SPATA16: variants seen among roughly 807,000 people sequenced by gnomAD.
SPATA16 encodes the protein spermatogenesis-associated protein 16.
In SPATA16, 36 loss-of-function variants were observed where a neutral mutation model predicts 63.3. That is an observed-to-expected ratio of 0.57 (90% CI 0.44 to 0.75). SPATA16 has a LOEUF of 0.75. Among genes scored for constraint, SPATA16 ranks in the 30% least tolerant of loss-of-function variants. The pLI is 0.00. For missense variants in SPATA16, 646 were observed against 679.3 expected (o/e 0.95, Z 0.54); for synonymous variants, 203 against 216.7 (o/e 0.94, Z 0.56).
At position 173,070,410 on chromosome 3, in the gene SPATA16, A is replaced by C. The variant is rs546693710; in HGVS notation, c.613-21316T>G. On this transcript the variant is annotated intron_variant, in intron 2 of 10. Coordinates refer to ENST00000351008, the MANE Select transcript of SPATA16 (RefSeq NM_031955.6). Reference sequence around the variant, plus strand: ...ACTCTGTCTCAAAAAAAAAAAAAAAAAAAGATGCCTACTTTCACCACTTTT... The same window carrying C: ...ACTCTGTCTCAAAAAAAAAAAAAAACAAAGATGCCTACTTTCACCACTTTT... Among the ~76,000 whole-genome samples the C allele has an allele frequency of 2.2e-3, 329 of 152,008 alleles. 5 individuals are homozygous for C. The highest frequency in any genetic ancestry group is 7.5e-3 in the African/African-American group (311 of 41,482).
chr3:173,102,697 G>A (rs1204741404), intron 2 of SPATA16, among the ~76,000 whole-genome samples: 3 of 152,154 alleles, frequency 2.0e-5, no homozygotes, highest in African/African-American at 7.2e-5. Context: ...GAGATTTGGA[G>A]GAGACAGCCA....
At position 172,981,405 on chromosome 3, in the gene SPATA16, G is replaced by A. The variant is rs143120171; in HGVS notation, c.849-4353C>T. Reference sequence around the variant, plus strand: ...GAAAAACTAACCTCTTTATAGTGGCGTTTAAGTCCTATATCATCTGGACAC... The same window carrying A: ...GAAAAACTAACCTCTTTATAGTGGCATTTAAGTCCTATATCATCTGGACAC... On this transcript the variant is annotated intron_variant, in intron 4 of 10. Transcript: ENST00000351008. Among the ~76,000 whole-genome samples the A allele has an allele frequency of 7.0e-4, 107 of 152,240 alleles. No individual in the cohort carries two copies. The Middle Eastern group carries it at 0.02, about 29-fold the overall frequency.
intron 3 of SPATA16, 31 bp from the exon 4 acceptor site, chr3:173,019,606 AT>A (rs1488099027): frequency 6.3e-7 from 1 of 1,599,822 alleles, no homozygotes; most frequent in African/African-American, 1.3e-5. Context: ...TGCAAATGTT[AT>A]TTGGGTTTTA....
intron 2 of SPATA16, among the ~76,000 whole-genome samples, chr3:173,092,136 A>G (rs544745481): frequency 6.6e-6 from 1 of 152,148 alleles, no homozygotes; most frequent in East Asian, 1.9e-4. Context: ...GCTGATGCTC[A>G]TACTGCTTGT....
chr3:173,042,975 A>G (rs1015016468), intron 3 of SPATA16, among the ~76,000 whole-genome samples: 1 of 152,142 alleles, frequency 6.6e-6, no homozygotes, highest in Non-Finnish European at 1.5e-5. Context: ...TTTGGTAATA[A>G]CACAGCAAAA....
chr3:172,924,421 C>G (rs1418473020), intron 7 of SPATA16, 104 bp from the exon 8 acceptor site: 1 of 883,468 alleles, frequency 1.1e-6, no homozygotes, highest in Non-Finnish European at 1.8e-6. Context: ...TTAATAGATA[C>G]AAAATCTTTA....
At chr3:173,035,476 G>A (rs964441630) in intron 3 of SPATA16, among the ~76,000 whole-genome samples, 1 of 152,062 alleles carries the variant, frequency 6.6e-6, no homozygotes, top group African/African-American at 2.4e-5. Flanking sequence ...ATTAACAACC[G>A]CCCTGTAAAT....
rs139706789 is a variant in SPATA16, at chr3:172,924,420, A to G, written c.1229-103T>C. 208 of 891,376 alleles carry G rather than the reference A, an allele frequency of 2.3e-4. 2 individuals are homozygous for G. In the East Asian group the frequency reaches 5.3e-3, roughly 23 times the overall value. 55.2% of individuals were successfully genotyped at this position (891,376 alleles called of 1,614,324 possible). A position where few individuals can be genotyped will look rare whatever the true frequency, so the allele number is the denominator to read the frequency against. ...AACGAATATCTCAATATTAATAGATACAAAATCTTTAGTATAGAAACTAGT... is the reference window on the plus strand; with the variant it reads ...AACGAATATCTCAATATTAATAGATGCAAAATCTTTAGTATAGAAACTAGT... On this transcript the variant is annotated intron_variant, in intron 7 of 10. Coordinates refer to ENST00000351008, the MANE Select transcript of SPATA16 (RefSeq NM_031955.6).
At chr3:173,097,413 G>C (rs1173954151) in intron 2 of SPATA16, among the ~76,000 whole-genome samples, 1 of 152,160 alleles carries the variant, frequency 6.6e-6, no homozygotes, top group Non-Finnish European at 1.5e-5. Context: ...AGGTTGCTGA[G>C]ATCTATGGTA....
At chr3:173,114,796 T>TG (rs1737851533) in intron 2 of SPATA16, among the ~76,000 whole-genome samples, 1 of 152,234 alleles carries the variant, frequency 6.6e-6, no homozygotes. Flanking sequence ...TTAAATGATA[T>TG]GTGAGAGCAC....
intron 8 of SPATA16, among the ~76,000 whole-genome samples, chr3:172,918,542 A>C (rs1276335297): frequency 6.6e-6 from 1 of 152,152 alleles, no homozygotes; most frequent in Non-Finnish European, 1.5e-5. Flanking sequence ...TATTTTACCT[A>C]TCCAAGATAG....
intron 6 of SPATA16, among the ~76,000 whole-genome samples, chr3:172,936,717 A>AT (rs1553782968): frequency 2.6e-5 from 4 of 151,318 alleles, no homozygotes; most frequent in Non-Finnish European, 2.9e-5. Context: ...TTATTTATTT[A>AT]TTTTTTTTGA....
At chr3:172,970,543 T>C (rs6779754) in intron 5 of SPATA16, among the ~76,000 whole-genome samples, 6,902 of 152,230 alleles carry the variant, frequency 0.045, 526 homozygotes, top group African/African-American at 0.16. Context: ...TAGTAATTGA[T>C]GGGGAAAATA....
At chr3:172,919,938 C>T (rs1051847756) in intron 8 of SPATA16, among the ~76,000 whole-genome samples, 12 of 152,138 alleles carry the variant, frequency 7.9e-5, no homozygotes, top group African/African-American at 2.7e-4. Context: ...AGTGATCCAC[C>T]CACCTCGGCC....
intron 6 of SPATA16, among the ~76,000 whole-genome samples, chr3:172,932,918 T>G (rs1732902997): frequency 6.6e-6 from 1 of 152,166 alleles, no homozygotes; most frequent in Admixed American, 6.5e-5. Context: ...TTCTCCAAGA[T>G]CAATTTTTGT....
intron 2 of SPATA16, among the ~76,000 whole-genome samples, chr3:173,051,390 G>T (rs1445237933): frequency 6.6e-6 from 1 of 152,088 alleles, no homozygotes; most frequent in Admixed American, 6.5e-5. Flanking sequence ...TTTTAGTAGA[G>T]ACGGGGTTTC....
intron 5 of SPATA16, among the ~76,000 whole-genome samples, chr3:172,961,797 C>T (rs947810906): frequency 2.6e-5 from 4 of 152,108 alleles, no homozygotes; most frequent in African/African-American, 4.8e-5. Flanking sequence ...GACTTTACCT[C>T]GCAGGCACAT....
intron 2 of SPATA16, among the ~76,000 whole-genome samples, chr3:173,101,439 C>G (rs1275441435): frequency 6.6e-6 from 1 of 152,200 alleles, no homozygotes; most frequent in Non-Finnish European, 1.5e-5. Context: ...ACATCCCCTA[C>G]AGTCTCTGTC....
chr3:173,051,753 C>A (rs1736101629), intron 2 of SPATA16, among the ~76,000 whole-genome samples: 1 of 152,026 alleles, frequency 6.6e-6, no homozygotes, highest in Non-Finnish European at 1.5e-5. Context: ...TGGTCTTTGC[C>A]CCTTCCTATC....
Sources: gnomAD v4.1 joint callset for allele counts (sites outside exome capture counted in the v4.1 genomes callset) on GRCh38, gnomAD v4.1.1 for gene constraint, MANE v1.5 for transcripts, NCBI Gene and HGNC (gene_info 2026-07-23, HGNC 2026-07-21) for gene names.